The following MYO18A variants were observed in gnomAD, a reference collection of about 807,000 sequenced individuals.
The protein encoded by MYO18A is myosin XVIIIA.
MYO18A carries 78 observed loss-of-function variants against 235.8 expected under a neutral mutation model. The observed-to-expected ratio is 0.33, with a 90% CI of 0.28 to 0.40. The LOEUF is 0.40. MYO18A is among the 10% of genes least tolerant of loss of function. The pLI is 1.00. For synonymous variants in MYO18A, 977 were observed against 1,077.8 expected, an observed-to-expected ratio of 0.91 and a Z score of 1.83; for missense variants, 2,215 against 2,699.3, an observed-to-expected ratio of 0.82 and a Z score of 3.98.
chr17:29,121,019 T>C lies in MYO18A; in HGVS notation c.1564A>G (p.Ser522Gly). The change falls in exon 6 of 42, where the codon AGC (serine) becomes GGC (glycine). Residue 522 changes from serine to glycine, a missense_variant. Transcript: ENST00000527372. This position sits in a 1 kb window ranked among gnomAD's most constrained non-coding sequence, Gnocchi z 4.2. Reference protein sequence around the residue: ...VQYLATIAGISGNKVFSVEKW... With the variant: ...VQYLATIAGIGGNKVFSVEKW... Reference sequence around the variant, plus strand: ...TCACCAGAAAACACCTTGTTCCCGCTGATGCCCGCGATGGTGGCCAGGTAC... The same window carrying C: ...TCACCAGAAAACACCTTGTTCCCGCCGATGCCCGCGATGGTGGCCAGGTAC... 1 of 1,612,132 alleles carries C rather than the reference T, an allele frequency of 6.2e-7. No individual in the cohort carries two copies. Among genetic ancestry groups the C allele is most frequent in the Non-Finnish European group, 8.5e-7 (1 of 1,179,224 alleles).
At chr17:29,169,595 C>T (rs1439744686) in intron 1 of MYO18A, among the ~76,000 whole-genome samples, 2 of 152,106 alleles carry the variant, frequency 1.3e-5, no homozygotes, top group East Asian at 3.9e-4. Flanking sequence ...GTGGGGTCTT[C>T]AGCTGTTACT....
intron 2 of MYO18A, among the ~76,000 whole-genome samples, chr17:29,130,115 G>A (rs961031344): frequency 1.3e-5 from 2 of 151,978 alleles, no homozygotes; most frequent in Non-Finnish European, 2.9e-5. Context: ...TGGGCAACAT[G>A]GTGAAACTGT....
chr17:29,148,582 T>TGTG (rs1392685552), intron 2 of MYO18A, among the ~76,000 whole-genome samples: 2 of 148,758 alleles, frequency 1.3e-5, no homozygotes, highest in African/African-American at 2.5e-5. Flanking sequence ...CTTTATTCTT[T>TGTG]TGTGTGTGTG....
intron 2 of MYO18A, among the ~76,000 whole-genome samples, chr17:29,129,402 A>G (rs1234255734): frequency 6.6e-6 from 1 of 152,162 alleles, no homozygotes; most frequent in Non-Finnish European, 1.5e-5. Context: ...GTGGACTGGT[A>G]TACTCTAGCT....
rs889546830 is a variant in MYO18A, at chr17:29,126,607, C to G, written c.1000-4354G>C. Among the ~76,000 whole-genome samples, 2 of 152,182 alleles carry G rather than the reference C, an allele frequency of 1.3e-5. No homozygotes were observed. Among genetic ancestry groups the G allele is most frequent in the Admixed American group, 1.3e-4 (2 of 15,290 alleles). On this transcript the variant is annotated intron_variant, in intron 2 of 41. Coordinates refer to ENST00000527372, the MANE Select transcript of MYO18A (RefSeq NM_078471.4). The surrounding 1 kb of genome is among the most constrained non-coding windows in gnomAD (Gnocchi z 4.1). ...AGGAGGTAACAGTCAGGGAGGGCCTCAAGGCCTCTCAGGCTATTCCCCCAT... is the reference window on the plus strand; with the variant it reads ...AGGAGGTAACAGTCAGGGAGGGCCTGAAGGCCTCTCAGGCTATTCCCCCAT...
rs888066692 is a variant in MYO18A, at chr17:29,118,893, T to G, written c.1829+442A>C. Reference sequence around the variant, plus strand: ...GCAGCCAACGTGGGGCAGGAAGGGCTAGTCTGGAGGGCACTGGAAGAGGCA... The same window carrying G: ...GCAGCCAACGTGGGGCAGGAAGGGCGAGTCTGGAGGGCACTGGAAGAGGCA... On this transcript the variant is annotated intron_variant, in intron 8 of 41. Coordinates refer to ENST00000527372, the MANE Select transcript of MYO18A (RefSeq NM_078471.4). The surrounding 1 kb of genome is among the most constrained non-coding windows in gnomAD (Gnocchi z 4.2). Among the ~76,000 whole-genome samples the G allele has an allele frequency of 1.3e-5, 2 of 152,010 alleles. No individual in the cohort carries two copies. Among genetic ancestry groups the G allele is most frequent in the African/African-American group, 4.8e-5 (2 of 41,364 alleles).
At chr17:29,173,842 G>T (rs1340514668) in intron 1 of MYO18A, among the ~76,000 whole-genome samples, 1 of 152,184 alleles carries the variant, frequency 6.6e-6, no homozygotes, top group African/African-American at 2.4e-5. Flanking sequence ...CTCAATCATA[G>T]ATCACTACAG....
At chr17:29,084,150 G>A (rs1598271705) in intron 40 of MYO18A, among the ~76,000 whole-genome samples, 1 of 152,294 alleles carries the variant, frequency 6.6e-6, no homozygotes, top group African/African-American at 2.4e-5. Context: ...AGAGCTGCAC[G>A]TCCCCATGCG....
chr17:29,114,208 G>C, intron 14 of MYO18A, 111 bp from the exon 15 acceptor site: 1 of 760,896 alleles, frequency 1.3e-6, no homozygotes, highest in Admixed American at 2.1e-5. Flanking sequence ...CTCCTTCTGT[G>C]CCGTGCAGGA....
chr17:29,111,557 T>C lies in MYO18A; in HGVS notation c.2767A>G (p.Lys923Glu). 1 of 1,613,860 alleles carries C rather than the reference T, an allele frequency of 6.2e-7. No individual in the cohort carries two copies. The highest frequency in any genetic ancestry group is 8.5e-7 in the Non-Finnish European group (1 of 1,179,840). ...KGQSPLLHSS[K>E]PHHFLLGHSH... ...TGGCCCAGGAGAAAGTGGTGTGGTT[T>C]GCTGCTGTGCAGAAGGGGGCTTTGG... Residue 923 changes from lysine to glutamate, a missense_variant, in exon 17 of 42, where the codon AAA becomes GAA. Coordinates refer to ENST00000527372, the MANE Select transcript of MYO18A (RefSeq NM_078471.4). The surrounding 1 kb of genome is among the most constrained non-coding windows in gnomAD (Gnocchi z 5.1).
intron 34 of MYO18A, 84 bp downstream of exon 34, chr17:29,092,259 C>T (rs2066415351): frequency 1.0e-6 from 1 of 986,922 alleles, no homozygotes; most frequent in Admixed American, 2.0e-5. Flanking sequence ...GTGGAGGGAC[C>T]TGTCTAGGGT....
chr17:29,148,034 G>T (rs558618532), intron 2 of MYO18A, among the ~76,000 whole-genome samples: 21 of 152,024 alleles, frequency 1.4e-4, no homozygotes, highest in Non-Finnish European at 1.6e-4. Context: ...ACTATTTGGG[G>T]AAGGATGGGA....
intron 2 of MYO18A, among the ~76,000 whole-genome samples, chr17:29,129,502 T>C (rs913859777): frequency 3.9e-5 from 6 of 152,134 alleles, no homozygotes; most frequent in Admixed American, 3.3e-4. Flanking sequence ...AACGGCAGGA[T>C]AGAGTTTCCC....
intron 37 of MYO18A, 111 bp downstream of exon 37, chr17:29,089,831 TGGCCTGGCAGTGAGGCACA>T: frequency 8.3e-7 from 1 of 1,211,990 alleles, no homozygotes; most frequent in Non-Finnish European, 1.1e-6. Context: ...GCCCGTCAGC[TGGCCTGGCAGTGAGGCACA>T]GGCCTCTGAG....
At chr17:29,103,723 T>C in intron 20 of MYO18A, 59 bp from the exon 21 acceptor site, 1 of 1,551,368 alleles carries the variant, frequency 6.4e-7, no homozygotes, top group Non-Finnish European at 8.9e-7. Flanking sequence ...CATGCAGGGC[T>C]TTCTCCAGGC....
chr17:29,095,838 C>A (rs995923445), intron 28 of MYO18A, among the ~76,000 whole-genome samples: 1 of 152,256 alleles, frequency 6.6e-6, no homozygotes, highest in African/African-American at 2.4e-5. Flanking sequence ...AGTTGCCCAG[C>A]GGGGAGCAGG....
At chr17:29,122,038 C>G in intron 3 of MYO18A, 81 bp from the exon 4 acceptor site, 1 of 1,531,754 alleles carries the variant, frequency 6.5e-7, no homozygotes, top group Non-Finnish European at 9.0e-7. Context: ...TCCTATCCTC[C>G]CCCCCACTGC....
intron 2 of MYO18A, among the ~76,000 whole-genome samples, chr17:29,143,052 C>T (rs1362955648): frequency 1.3e-5 from 2 of 152,202 alleles, no homozygotes; most frequent in African/African-American, 4.8e-5. Context: ...AAGTGATCTG[C>T]CCGCCTTGGC....
chr17:29,157,489 T>A (rs1369456213), intron 2 of MYO18A, among the ~76,000 whole-genome samples: 2 of 152,192 alleles, frequency 1.3e-5, no homozygotes, highest in African/African-American at 4.8e-5. Flanking sequence ...ACTGCCTTGC[T>A]CTCCCCTATA....
Sources: gnomAD v4.1 joint callset for allele counts (sites outside exome capture counted in the v4.1 genomes callset) on GRCh38, gnomAD v4.1.1 for gene constraint, Gnocchi (gnomAD v3.1) non-coding constraint, MANE v1.5 for transcripts, NCBI Gene and HGNC (gene_info 2026-07-23, HGNC 2026-07-21) for gene names.